Variants in EPHA6 observed in about 807,000 individuals in gnomAD.
EPHA6 encodes the protein ephrin type-A receptor 6.
In EPHA6, 50 loss-of-function variants were observed where a neutral mutation model predicts 112.0. That is an observed-to-expected ratio of 0.45 (90% CI 0.36 to 0.56). The LOEUF is 0.56. Ranked by LOEUF, EPHA6 falls within the 20% of genes least tolerant of loss-of-function variation. The probability of loss-of-function intolerance (pLI) is 0.00; values close to 1 mark genes in which losing one functional copy is unlikely to be tolerated. For missense variants in EPHA6, 1,280 were observed against 1,417.4 expected (o/e 0.90, Z 1.56); for synonymous variants, 529 against 490.7 (o/e 1.08, Z -1.03).
At chr3:97,013,844 C>A (rs1268488476) in intron 3 of EPHA6, among the ~76,000 whole-genome samples, 1 of 152,072 alleles carries the variant, frequency 6.6e-6, no homozygotes, top group East Asian at 1.9e-4. Context: ...AATTATGAAG[C>A]ATGTTTTTGC....
intron 11 of EPHA6, among the ~76,000 whole-genome samples, chr3:97,558,497 A>C (rs566166531): frequency 1.3e-5 from 2 of 151,904 alleles, no homozygotes; most frequent in African/African-American, 4.8e-5. Flanking sequence ...ATCTCTCCCA[A>C]TGCTATGAGT....
At chr3:97,055,427 T>A (rs1483174628) in intron 3 of EPHA6, among the ~76,000 whole-genome samples, 1 of 152,090 alleles carries the variant, frequency 6.6e-6, no homozygotes, top group African/African-American at 2.4e-5. Flanking sequence ...CCAATTAAGA[T>A]TCATGAGTAG....
chr3:97,634,589 T>C (rs150757893), intron 13 of EPHA6, among the ~76,000 whole-genome samples: 70 of 152,214 alleles, frequency 4.6e-4, no homozygotes, highest in African/African-American at 1.4e-3. Flanking sequence ...TGGAAGCTGA[T>C]AGCCCTTAAC....
chr3:97,171,186 A>C (rs1411078158), intron 3 of EPHA6, among the ~76,000 whole-genome samples: 1 of 152,212 alleles, frequency 6.6e-6, no homozygotes, highest in Non-Finnish European at 1.5e-5. Flanking sequence ...AGTTGAGACA[A>C]ACCATGTTAA....
chr3:97,164,737 G>A (rs565851464), intron 3 of EPHA6, among the ~76,000 whole-genome samples: 2 of 152,064 alleles, frequency 1.3e-5, no homozygotes, highest in African/African-American at 4.8e-5. Flanking sequence ...TCATGATTAA[G>A]TCTTACTTTA....
chr3:97,007,584 T>C (rs750519486), intron 3 of EPHA6, among the ~76,000 whole-genome samples: 1 of 152,210 alleles, frequency 6.6e-6, no homozygotes, highest in Non-Finnish European at 1.5e-5. Flanking sequence ...ATCTTTTAAT[T>C]GGGGCATTTA....
intron 2 of EPHA6, among the ~76,000 whole-genome samples, chr3:96,961,364 T>C (rs2041943886): frequency 6.6e-6 from 1 of 152,236 alleles, no homozygotes; most frequent in South Asian, 2.1e-4. Flanking sequence ...TTCTTTACAG[T>C]TTGGTTCATT....
At chr3:97,327,517 C>A (rs542938028) in intron 5 of EPHA6, among the ~76,000 whole-genome samples, 1 of 151,346 alleles carries the variant, frequency 6.6e-6, no homozygotes. Context: ...ATATGCTAAG[C>A]TTTATAAAAT....
intron 5 of EPHA6, among the ~76,000 whole-genome samples, chr3:97,363,363 C>A (rs1260293255): frequency 6.6e-6 from 1 of 150,612 alleles, no homozygotes; most frequent in East Asian, 2.0e-4. Flanking sequence ...GCTTATGGGG[C>A]AACCACTGGC....
chr3:97,026,477 G>C (rs961505254), intron 3 of EPHA6, among the ~76,000 whole-genome samples: 1 of 152,018 alleles, frequency 6.6e-6, no homozygotes, highest in Non-Finnish European at 1.5e-5. Flanking sequence ...TTCACCTTTT[G>C]ACTTAGCCAT....
intron 12 of EPHA6, among the ~76,000 whole-genome samples, chr3:97,596,710 T>C (rs1165376415): frequency 5.3e-5 from 8 of 149,648 alleles, no homozygotes; most frequent in African/African-American, 2.0e-4. Context: ...TTTAGCTTAC[T>C]TTTTTGTCCC....
intron 5 of EPHA6, among the ~76,000 whole-genome samples, chr3:97,313,700 A>C (rs2081667232): frequency 6.6e-6 from 1 of 151,594 alleles, no homozygotes; most frequent in Non-Finnish European, 1.5e-5. Context: ...ATGCCTGTTG[A>C]AATCCTTTGC....
chr3:96,905,657 G>T (rs1355326194), intron 2 of EPHA6, among the ~76,000 whole-genome samples: 1 of 151,550 alleles, frequency 6.6e-6, no homozygotes, highest in East Asian at 1.9e-4. Flanking sequence ...GGAAAAGCTT[G>T]TAACTTTAAG....
chr3:97,029,103 C>T (rs1412934762), intron 3 of EPHA6, among the ~76,000 whole-genome samples: 1 of 151,526 alleles, frequency 6.6e-6, no homozygotes, highest in Admixed American at 6.6e-5. Flanking sequence ...CAATAAAATT[C>T]TAATATGCAT....
intron 1 of EPHA6, among the ~76,000 whole-genome samples, chr3:96,851,385 G>A (rs889440448): frequency 6.6e-6 from 1 of 152,128 alleles, no homozygotes; most frequent in Non-Finnish European, 1.5e-5. Context: ...TAGAGGATGA[G>A]AATTTACTGT....
At chr3:97,554,309 C>A (rs116440658) in intron 11 of EPHA6, among the ~76,000 whole-genome samples, 2,098 of 152,172 alleles carry the variant, frequency 0.014, 53 homozygotes, top group African/African-American at 0.048. Context: ...GTTAATAATT[C>A]AGAGATGGAC....
intron 14 of EPHA6, chr3:97,645,995 G>A: frequency 3.3e-6 from 2 of 612,206 alleles, no homozygotes; most frequent in Non-Finnish European, 5.0e-6. Context: ...AGTTGTTGGG[G>A]AGAGGTTTGT....
chr3:97,646,054 A>G (rs1018955378), intron 14 of EPHA6: 2 of 1,251,356 alleles, frequency 1.6e-6, no homozygotes, highest in African/African-American at 1.5e-5. Flanking sequence ...CATGGAAGCT[A>G]TCCTTTTCTA....
At chr3:97,489,094 T>C (rs9852110) in intron 10 of EPHA6, among the ~76,000 whole-genome samples, 10,356 of 152,254 alleles carry the variant, frequency 0.068, 1,096 homozygotes, top group African/African-American at 0.23. Context: ...AGATTTATAA[T>C]AACAGCTATC....
Sources: gnomAD v4.1 joint callset for allele counts (sites outside exome capture counted in the v4.1 genomes callset) on GRCh38, gnomAD v4.1.1 for gene constraint, MANE v1.5 for transcripts, NCBI Gene and HGNC (gene_info 2026-07-23, HGNC 2026-07-21) for gene names.